Variants in STRA8 observed in about 807,000 individuals in gnomAD.
STRA8 encodes the protein stimulated by retinoic acid 8.
A neutral mutation model predicts 37.1 loss-of-function variants in STRA8; 18 were observed. That is an observed-to-expected ratio of 0.48 (90% CI 0.34 to 0.72). The LOEUF is 0.72. STRA8 is among the 30% of genes least tolerant of loss of function. The probability of loss-of-function intolerance (pLI) is 0.01; values close to 1 mark genes in which losing one functional copy is unlikely to be tolerated. For synonymous variants in STRA8, 168 were observed against 162.9 expected, an observed-to-expected ratio of 1.03 and a Z score of -0.24; for missense variants, 357 against 410.4, an observed-to-expected ratio of 0.87 and a Z score of 1.13.
intron 6 of STRA8, among the ~76,000 whole-genome samples, chr7:135,250,139 G>C (rs1832617132): frequency 6.6e-6 from 1 of 152,216 alleles, no homozygotes; most frequent in Non-Finnish European, 1.5e-5. Context: ...CGGTCAGATG[G>C]GCCCAGGAGG....
At chr7:135,241,243 T>A (rs1271220461) in intron 2 of STRA8, among the ~76,000 whole-genome samples, 4 of 152,114 alleles carry the variant, frequency 2.6e-5, no homozygotes, top group Admixed American at 2.6e-4. Context: ...CCCAACAGCA[T>A]CAACATGAGC....
chr7:135,244,607 T>G (rs1223214889), intron 4 of STRA8, among the ~76,000 whole-genome samples: 1 of 152,240 alleles, frequency 6.6e-6, no homozygotes, highest in Non-Finnish European at 1.5e-5. Context: ...TTTTAAAATT[T>G]CAATTTCCAA....
rs937431404 is a variant in STRA8, at chr7:135,246,630, C to G, written c.807C>G (p.Ala269=). Reference sequence around the variant, plus strand: ...AGGCCTGCCGAGAGCCGGCCTGTGCCGAGGGCAGCGTGAAGGACAGCGGCG... The same window carrying G: ...AGGCCTGCCGAGAGCCGGCCTGTGCGGAGGGCAGCGTGAAGGACAGCGGCG... ...LAEACREPAC[A]EGSVKDSGVD... The change falls in exon 6 of 9, where the codon GCC becomes GCG. Residue 269 remains alanine (A), a synonymous_variant. Transcript: ENST00000662584. The surrounding 1 kb of genome is among the most constrained non-coding windows in gnomAD (Gnocchi z 5.4). 1.3e-6 allele frequency: 2 copies of G among 1,539,684 alleles called. No individual in the cohort carries two copies. The highest frequency in any genetic ancestry group is 2.0e-5 in the Admixed American group (1 of 50,898).
chr7:135,241,125 G>C (rs958100338), intron 2 of STRA8, among the ~76,000 whole-genome samples: 2 of 152,066 alleles, frequency 1.3e-5, no homozygotes, highest in African/African-American at 4.8e-5. Context: ...TAAATTTTGG[G>C]GGGACACAAA....
At position 135,246,074 on chromosome 7, in the gene STRA8, C is replaced by T; in HGVS notation, c.594-343C>T. The T allele has an allele frequency of 3.0e-6, 1 of 334,562 alleles. No homozygotes were observed. Among genetic ancestry groups the T allele is most frequent in the South Asian group, 3.0e-5 (1 of 32,918 alleles). The allele number at this position is 334,562 out of a possible 1,614,324, so 20.7% of individuals were successfully genotyped here. ...GGTTAAAGTTGGAGTCCTATCATGC[C>T]AGCACATTCATGGGCTCAGAATTTT... On this transcript the variant is annotated intron_variant, in intron 5 of 8. Coordinates refer to ENST00000662584, the MANE Select transcript of STRA8 (RefSeq NM_001394401.1). This position sits in a 1 kb window ranked among gnomAD's most constrained non-coding sequence, Gnocchi z 5.4.
chr7:135,241,969 C>T (rs1832470993), intron 2 of STRA8, among the ~76,000 whole-genome samples: 2 of 151,358 alleles, frequency 1.3e-5, no homozygotes, highest in Non-Finnish European at 2.9e-5. Flanking sequence ...TTTAGCATTG[C>T]TCGTTTTTGA....
At position 135,240,755 on chromosome 7, in the gene STRA8, G is replaced by T. The variant is rs758961060; in HGVS notation, c.192+39G>T. The T allele has an allele frequency of 1.1e-5, 18 of 1,604,576 alleles. No individual in the cohort carries two copies. The African/African-American group carries it at 2.4e-4, about 21-fold the overall frequency. On this transcript the variant is annotated intron_variant, in intron 2 of 8. Coordinates refer to ENST00000662584, the MANE Select transcript of STRA8 (RefSeq NM_001394401.1). The stretch of plus-strand genomic sequence containing the variant: ...GAGGAGGAGAGGGGACATCTCCACG[G>T]GGAAGGAGACGTTTTCACAGGTGGA...
chr7:135,240,386 T>C, intron 1 of STRA8, 133 bp from the exon 2 acceptor site: 20 of 782,670 alleles, frequency 2.6e-5, no homozygotes, highest in Non-Finnish European at 4.1e-5. Context: ...ACTGAATTCA[T>C]GAGGGAGTGA....
chr7:135,258,288 A>G, intron 8 of STRA8, 130 bp from the exon 9 acceptor site: 1 of 664,896 alleles, frequency 1.5e-6, no homozygotes, highest in Non-Finnish European at 2.5e-6. Context: ...CTGGAGGTGA[A>G]AATGCAGCGG....
intron 8 of STRA8, among the ~76,000 whole-genome samples, chr7:135,257,719 T>C (rs891233268): frequency 2.6e-5 from 4 of 152,158 alleles, no homozygotes; most frequent in Non-Finnish European, 4.4e-5. Context: ...TGAGCCATCA[T>C]GACCAGCTGC....
upstream of STRA8, among the ~76,000 whole-genome samples, chr7:135,233,344 T>C (rs17168321): frequency 0.013 from 2,015 of 152,306 alleles, 139 homozygotes; most frequent in East Asian, 0.21. Flanking sequence ...TATGCGTTTA[T>C]TTCCTTCATG....
chr7:135,256,800 C>T (rs1166427026), intron 8 of STRA8, among the ~76,000 whole-genome samples: 5 of 152,096 alleles, frequency 3.3e-5, no homozygotes, highest in African/African-American at 1.2e-4. Context: ...GTGAGACTCT[C>T]TCCAGACAAC....
intron 6 of STRA8, among the ~76,000 whole-genome samples, chr7:135,249,631 T>A (rs1285991953): frequency 6.6e-6 from 1 of 152,206 alleles, no homozygotes; most frequent in Non-Finnish European, 1.5e-5. Flanking sequence ...TAGGTTTGCA[T>A]AAATACACTC....
intron 6 of STRA8, among the ~76,000 whole-genome samples, chr7:135,248,675 C>A (rs563474838): frequency 6.6e-6 from 1 of 152,328 alleles, no homozygotes; most frequent in East Asian, 1.9e-4. Context: ...TGTGTCACTG[C>A]ACTCCAGCCT....
rs536090397 is a variant in STRA8 at position 135,252,410 on chromosome 7, A to C, written c.953+541A>C. Among the ~76,000 whole-genome samples the C allele has an allele frequency of 1.7e-4, 26 of 152,258 alleles. 1 individual carries two copies. The East Asian group carries it at 4.6e-3, about 27-fold the overall frequency. On this transcript the variant is annotated intron_variant, in intron 7 of 8. Coordinates refer to ENST00000662584, the MANE Select transcript of STRA8 (RefSeq NM_001394401.1). The stretch of plus-strand genomic sequence containing the variant: ...CACCCCCTCACCAGGCCCCTCCTTC[A>C]ACACATGGGGATTATAATTCAACAG...
At chr7:135,251,962 A>T in intron 7 of STRA8, 93 bp downstream of exon 7, 1 of 1,166,250 alleles carries the variant, frequency 8.6e-7, no homozygotes, top group Non-Finnish European at 1.3e-6. Flanking sequence ...TTGCATGTGC[A>T]TGAATGTGGT....
intron 1 of STRA8, among the ~76,000 whole-genome samples, chr7:135,236,539 A>C (rs1832381171): frequency 6.6e-6 from 1 of 152,102 alleles, no homozygotes; most frequent in African/African-American, 2.4e-5. Context: ...CCAAACATTC[A>C]CATTCACCTC....
chr7:135,240,615 C>CGGAGGGG lies in STRA8; in HGVS notation c.95_96insGGGGGAG (p.Arg33GlyfsTer29). The CGGAGGGG allele has an allele frequency of 6.2e-7, 1 of 1,614,052 alleles. No individual in the cohort carries two copies. The highest frequency in any genetic ancestry group is 1.3e-5 in the African/African-American group (1 of 74,944). On this transcript the variant is annotated frameshift_variant, in exon 2 of 9. Coordinates refer to ENST00000662584, the MANE Select transcript of STRA8 (RefSeq NM_001394401.1). LOFTEE classifies it high-confidence loss of function. ...GCAGGAGCTTGAGCATCGGGTGGCC[C>CGGAGGGG]GGAGACGGCTGTCCCAGGCCCGCCA...
chr7:135,232,921 AGG>A (rs1050488493), upstream of STRA8, among the ~76,000 whole-genome samples: 20 of 152,186 alleles, frequency 1.3e-4, no homozygotes, highest in African/African-American at 4.6e-4. Flanking sequence ...GATGGCAGCA[AGG>A]GGGCGCCTGG....
Sources: allele counts gnomAD v4.1 joint callset (sites outside exome capture counted in the v4.1 genomes callset), GRCh38; gene constraint gnomAD v4.1.1; non-coding constraint Gnocchi (gnomAD v3.1); transcripts MANE v1.5; gene names NCBI Gene and HGNC (gene_info 2026-07-23, HGNC 2026-07-21).